Variants in JCAD observed in about 807,000 individuals in gnomAD.
The protein encoded by JCAD is junctional cadherin 5 associated.
In JCAD, 40 loss-of-function variants were observed where a neutral mutation model predicts 98.0. The observed-to-expected ratio is 0.41, with a 90% confidence interval of 0.32 to 0.53. The LOEUF (loss-of-function observed/expected upper bound fraction) is 0.53. JCAD is among the 20% of genes least tolerant of loss of function. The pLI is 0.31. For synonymous variants in JCAD, 691 were observed against 682.3 expected, an observed-to-expected ratio of 1.01 and a Z score of -0.20; for missense variants, 1,705 against 1,738.1, an observed-to-expected ratio of 0.98 and a Z score of 0.34.
At position 30,014,896 on chromosome 10, in the gene JCAD, G is replaced by A. The variant is rs966886412; in HGVS notation, c.*2987C>T. 5.3e-5 allele frequency: 8 copies of A among 152,158 alleles called. No individual in the cohort carries two copies. Among genetic ancestry groups the A allele is most frequent in the Non-Finnish European group, 8.8e-5 (6 of 68,038 alleles). 9.4% of individuals were successfully genotyped at this position (152,158 alleles called of 1,614,324 possible). A position where few individuals can be genotyped will look rare whatever the true frequency, so the allele number is the denominator to read the frequency against. On this transcript the variant is annotated 3_prime_UTR_variant, in exon 4 of 4. Transcript: ENST00000375377. ...CCAGGATCTCAAAGAACAGATTCAT[G>A]TTTTAGGGACTTTAAAAGAAGAAAT...
In JCAD at chr10:30,027,009, C is replaced by G; in HGVS notation, c.3139G>C (p.Asp1047His). 1 of 1,614,220 alleles carries G rather than the reference C, an allele frequency of 6.2e-7. No homozygotes were observed. The highest frequency in any genetic ancestry group is 8.5e-7 in the Non-Finnish European group (1 of 1,180,044). Residue 1047 changes from aspartate to histidine, a missense_variant, in exon 3 of 4, where the codon GAC becomes CAC. Physicochemically the swap from Asp to His is moderately conservative, Grantham distance 81 (BLOSUM62 -1). This residue lies in a region of JCAD where 1,278 missense variants were observed against 1,243.1 expected (regional missense o/e 1.03). Coordinates refer to ENST00000375377, the MANE Select transcript of JCAD (RefSeq NM_020848.4). ...GGGGTGAGCCCCACAGACCGTAAGT[C>G]TGGAGCTGAGAGCCCTCGGTTCTTG... is the stretch of plus-strand genomic sequence containing the variant. ...SNKNRGLSAPDLRSVGLTPGQ... is the reference protein window; with the variant it reads ...SNKNRGLSAPHLRSVGLTPGQ...
At chr10:30,076,628 C>G (rs964005644) in intron 1 of JCAD, among the ~76,000 whole-genome samples, 2 of 152,120 alleles carry the variant, frequency 1.3e-5, no homozygotes, top group Non-Finnish European at 2.9e-5. Context: ...TTGGCTACCC[C>G]TTTTATAATT....
At chr10:30,092,443 CCA>C (rs1268616560) in intron 1 of JCAD, among the ~76,000 whole-genome samples, 4 of 152,010 alleles carry the variant, frequency 2.6e-5, no homozygotes, top group Non-Finnish European at 5.9e-5. Context: ...ACAACCACTC[CCA>C]CTCTCCCATC....
chr10:30,038,506 A>C (rs1180588879), intron 2 of JCAD, among the ~76,000 whole-genome samples: 1 of 151,872 alleles, frequency 6.6e-6, no homozygotes, highest in Non-Finnish European at 1.5e-5. Context: ...AAACATAAGG[A>C]GACCTAGTCT....
chr10:30,052,454 C>T (rs1837490540), intron 1 of JCAD, among the ~76,000 whole-genome samples: 1 of 152,200 alleles, frequency 6.6e-6, no homozygotes, highest in Non-Finnish European at 1.5e-5. Flanking sequence ...AAGAGTACAG[C>T]TTGTGGCCAC....
In JCAD at chr10:30,013,996, CTTTT is replaced by C. The variant is rs2132592417; in HGVS notation, c.*3883_*3886del. The C allele has an allele frequency of 6.6e-6, 1 of 152,296 alleles. No individual in the cohort carries two copies. The highest frequency in any genetic ancestry group is 2.4e-5 in the African/African-American group (1 of 41,548). The allele number at this position is 152,296 out of a possible 1,614,324, so 9.4% of individuals were successfully genotyped here. On this transcript the variant is annotated 3_prime_UTR_variant, in exon 4 of 4. Transcript: ENST00000375377. The stretch of plus-strand genomic sequence containing the variant: ...CTGAATTTATGGTCTTAATGACTCC[CTTTT>C]TATTTCTTTCCAACAAAACCTGCAG...
Position 30,027,934 on chromosome 10 carries a change from G to A in JCAD, c.2214C>T (p.Thr738=), listed in dbSNP as rs769006541. Residue 738 remains threonine, a synonymous_variant, in exon 3 of 4, where the codon ACC becomes ACT. Transcript: ENST00000375377. ...CACTTGGCCTCTGTTTGTGATCACC[G>A]GTAGGGAATGCTGTGTGCGTCTGAG... ...SEAQTHTAFP[T]GDHKQRPSAR... is the part of the protein sequence containing the mutation. The A allele has an allele frequency of 2.0e-5, 32 of 1,614,106 alleles. No individual in the cohort carries two copies. Among genetic ancestry groups the A allele is most frequent in the East Asian group, 2.2e-5 (1 of 44,888 alleles).
chr10:30,101,593 C>A (rs1838471644), intron 1 of JCAD, among the ~76,000 whole-genome samples: 1 of 151,972 alleles, frequency 6.6e-6, no homozygotes, highest in Non-Finnish European at 1.5e-5. Context: ...GTCTTGAACT[C>A]ATGACCTCAA....
chr10:30,105,515 G>A (rs1407445073), intron 1 of JCAD, among the ~76,000 whole-genome samples: 1 of 151,898 alleles, frequency 6.6e-6, no homozygotes, highest in Non-Finnish European at 1.5e-5. Context: ...GTAGAGACAC[G>A]GTTTCACCAT....
chr10:30,057,419 G>T lies in JCAD; in HGVS notation c.-60+2063C>A, dbSNP rs542015023. On this transcript the variant is annotated intron_variant, in intron 1 of 3. Coordinates refer to ENST00000375377, the MANE Select transcript of JCAD (RefSeq NM_020848.4). Reference sequence around the variant, plus strand: ...AAATTGGTCCTTATTTATTTTCCTTGTGTACCTCCAACCCTGCTACATTTT... The same window carrying T: ...AAATTGGTCCTTATTTATTTTCCTTTTGTACCTCCAACCCTGCTACATTTT... Among the ~76,000 whole-genome samples, 20 of 152,036 alleles carry T rather than the reference G, an allele frequency of 1.3e-4. 3 individuals carry two copies. In the South Asian group the frequency reaches 4.2e-3, roughly 32 times the overall value.
At chr10:30,073,689 C>G (rs572303595) in intron 1 of JCAD, among the ~76,000 whole-genome samples, 193 of 129,246 alleles carry the variant, frequency 1.5e-3, no homozygotes, top group Admixed American at 5.5e-3. Flanking sequence ...TTGCTTCCTT[C>G]CTTCCTTCCT....
intron 3 of JCAD, among the ~76,000 whole-genome samples, chr10:30,020,555 A>G (rs745528728): frequency 2.5e-4 from 38 of 152,170 alleles, no homozygotes; most frequent in Non-Finnish European, 4.4e-4. Flanking sequence ...AAAGCCCTAC[A>G]TTACTACCCA....
intron 1 of JCAD, among the ~76,000 whole-genome samples, chr10:30,079,239 C>T (rs7909658): frequency 6.8e-6 from 1 of 147,870 alleles, no homozygotes; most frequent in Non-Finnish European, 1.5e-5. Context: ...CCCAGCTACT[C>T]GGGAGGCTGA....
intron 1 of JCAD, among the ~76,000 whole-genome samples, chr10:30,077,437 T>C (rs965818301): frequency 6.6e-6 from 1 of 152,190 alleles, no homozygotes; most frequent in African/African-American, 2.4e-5. Flanking sequence ...CCACCATGCC[T>C]GACCTTTCTG....
chr10:30,069,697 C>T (rs886660348), intron 2 of JCAD: 3 of 149,708 alleles, frequency 2.0e-5, no homozygotes, highest in Admixed American at 6.7e-5. Context: ...TGGTGGCACG[C>T]ACCTGTAGTC....
upstream of JCAD, among the ~76,000 whole-genome samples, chr10:30,059,895 C>T (rs1837669251): frequency 1.3e-5 from 2 of 152,266 alleles, no homozygotes; most frequent in South Asian, 4.1e-4. This position sits in a 1 kb window ranked among gnomAD's most constrained non-coding sequence, Gnocchi z 5.0. Flanking sequence ...CATATACACC[C>T]ACACACAGAT....
chr10:30,031,724 G>A (rs1186699512), intron 2 of JCAD, among the ~76,000 whole-genome samples: 1 of 146,434 alleles, frequency 6.8e-6, no homozygotes, highest in Non-Finnish European at 1.5e-5. Flanking sequence ...TTAGAGGAGT[G>A]AGCCACTGCG....
In JCAD at chr10:30,014,364, A is replaced by G. The variant is rs1188992061; in HGVS notation, c.*3519T>C. 1 of 152,216 alleles carries G rather than the reference A, an allele frequency of 6.6e-6. No individual in the cohort carries two copies. The highest frequency in any genetic ancestry group is 1.5e-5 in the Non-Finnish European group (1 of 68,032). The allele number at this position is 152,216 out of a possible 1,614,324, so 9.4% of individuals were successfully genotyped here. A position where few individuals can be genotyped will look rare whatever the true frequency, so the allele number is the denominator to read the frequency against. ...GGGTCTGGTAGAACAATGCTCCCCA[A>G]CGCTAAAGTAATTGCTTCTAAGAAC... is the stretch of plus-strand genomic sequence containing the variant. On this transcript the variant is annotated 3_prime_UTR_variant, in exon 4 of 4. Transcript: ENST00000375377.
upstream of JCAD, among the ~76,000 whole-genome samples, chr10:30,062,444 G>A (rs1219851814): frequency 6.6e-6 from 1 of 152,230 alleles, no homozygotes; most frequent in African/African-American, 2.4e-5. Context: ...AGATGGTGGT[G>A]AGGCTGTGGA....
Sources: gnomAD v4.1 joint callset for allele counts (sites outside exome capture counted in the v4.1 genomes callset) on GRCh38, gnomAD v4.1.1 for gene constraint, gnomAD v4.1.1 regional missense constraint, Gnocchi (gnomAD v3.1) non-coding constraint, MANE v1.5 for transcripts, NCBI Gene and HGNC (gene_info 2026-07-23, HGNC 2026-07-21) for gene names.